The following KLRF1 variants were observed in gnomAD, a reference collection of about 807,000 sequenced individuals.
KLRF1 encodes the protein killer cell lectin like receptor F1, also known as killer cell lectin-like receptor subfamily F member 1.
A neutral mutation model predicts 30.7 loss-of-function variants in KLRF1; 27 were observed. The ratio of observed to expected loss-of-function variants is 0.88; its 90% CI spans 0.65 to 1.21. KLRF1 has a LOEUF of 1.21. KLRF1 is among the 50% of genes most tolerant of loss of function. The pLI is 0.00. For missense variants in KLRF1, 246 were observed against 259.3 expected, an observed-to-expected ratio of 0.95 and a Z score of 0.35; for synonymous variants, 92 against 89.3, an observed-to-expected ratio of 1.03 and a Z score of -0.17.
At chr12:9,809,905 C>T in the KLRF1 span, among the ~76,000 whole-genome samples, 3 of 151,668 alleles carry the variant, frequency 2.0e-5, no homozygotes, top group East Asian at 1.9e-4. Context: ...AACAAAATCA[C>T]CCCATGAATA....
chr12:9,813,554 AT>A, the KLRF1 span, among the ~76,000 whole-genome samples: 6 of 151,920 alleles, frequency 3.9e-5, no homozygotes, highest in Non-Finnish European at 8.8e-5. Context: ...GGAAGAAAAC[AT>A]TTTTCCCCCG....
At chr12:9,816,979 C>T in the KLRF1 span, among the ~76,000 whole-genome samples, 11 of 151,922 alleles carry the variant, frequency 7.2e-5, no homozygotes, top group Non-Finnish European at 8.8e-5. Context: ...GTGATCCGCC[C>T]GCCTCAGCCT....
upstream of KLRF1, among the ~76,000 whole-genome samples, chr12:9,826,463 A>T (rs1867285298): frequency 6.6e-6 from 1 of 152,212 alleles, no homozygotes; most frequent in Non-Finnish European, 1.5e-5. Flanking sequence ...ATTATGAAAG[A>T]TAGCATGGTG....
intron 1 of KLRF1, among the ~76,000 whole-genome samples, chr12:9,829,163 T>C (rs1292850392): frequency 6.6e-6 from 1 of 152,188 alleles, no homozygotes; most frequent in Non-Finnish European, 1.5e-5. Context: ...ACATAATTGC[T>C]CTATCCCACT....
At chr12:9,824,675 AT>A (rs1565501890), upstream of KLRF1, among the ~76,000 whole-genome samples, 1 of 152,162 alleles carries the variant, frequency 6.6e-6, no homozygotes, top group Non-Finnish European at 1.5e-5. Flanking sequence ...ACGTAAAACT[AT>A]TCCTGTTTTC....
chr12:9,808,844 T>C, the KLRF1 span, among the ~76,000 whole-genome samples: 13 of 152,302 alleles, frequency 8.5e-5, no homozygotes, highest in Middle Eastern at 6.8e-3. Flanking sequence ...GAATGTATCA[T>C]GTATATGATT....
intron 3 of KLRF1, among the ~76,000 whole-genome samples, chr12:9,833,786 T>A (rs1219759875): frequency 6.6e-6 from 1 of 151,962 alleles, no homozygotes; most frequent in Non-Finnish European, 1.5e-5. Flanking sequence ...ACAGACTGGA[T>A]AAAAGTCAAT....
the KLRF1 span, among the ~76,000 whole-genome samples, chr12:9,805,362 A>G: frequency 2.2e-4 from 34 of 152,062 alleles, no homozygotes; most frequent in African/African-American, 8.2e-4. Context: ...ACAAAAGGGC[A>G]AGAGGGATGG....
At chr12:9,808,829 A>G in the KLRF1 span, among the ~76,000 whole-genome samples, 1 of 152,164 alleles carries the variant, frequency 6.6e-6, no homozygotes. Context: ...GTTTTGGAAA[A>G]CAATGAATGT....
chr12:9,835,910 G>C (rs1467823844), intron 3 of KLRF1, among the ~76,000 whole-genome samples: 5 of 152,084 alleles, frequency 3.3e-5, no homozygotes, highest in Non-Finnish European at 7.4e-5. Flanking sequence ...TGTCTGGGGA[G>C]GTCTTGCTGG....
chr12:9,834,037 A>G (rs1867513362), intron 3 of KLRF1, among the ~76,000 whole-genome samples: 1 of 148,570 alleles, frequency 6.7e-6, no homozygotes, highest in Non-Finnish European at 1.5e-5. Context: ...GGGTAGGTAA[A>G]GGAAAATTAC....
chr12:9,843,186 C>A (rs2121243670), intron 5 of KLRF1, among the ~76,000 whole-genome samples: 1 of 152,260 alleles, frequency 6.6e-6, no homozygotes, highest in East Asian at 1.9e-4. Context: ...TGAAGTGGAA[C>A]ACAGAGATTC....
chr12:9,807,244 T>C, the KLRF1 span, among the ~76,000 whole-genome samples: 5 of 152,164 alleles, frequency 3.3e-5, no homozygotes, highest in Non-Finnish European at 7.4e-5. Context: ...TATGTCTTTA[T>C]ATGTTACAGA....
the KLRF1 span, among the ~76,000 whole-genome samples, chr12:9,819,675 A>G: frequency 6.6e-6 from 1 of 151,926 alleles, no homozygotes; most frequent in African/African-American, 2.4e-5. Context: ...TCCAGAGGCA[A>G]GGATAGCCCA....
At chr12:9,803,022 A>T in the KLRF1 span, among the ~76,000 whole-genome samples, 2 of 152,168 alleles carry the variant, frequency 1.3e-5, no homozygotes, top group African/African-American at 4.8e-5. Flanking sequence ...AAGCAAAAAG[A>T]ACAAAGCTGG....
the KLRF1 span, among the ~76,000 whole-genome samples, chr12:9,820,927 C>A: frequency 1.3e-5 from 2 of 152,150 alleles, no homozygotes; most frequent in African/African-American, 4.8e-5. Context: ...CTTCACCAGG[C>A]AGGGCCCCTG....
upstream of KLRF1, among the ~76,000 whole-genome samples, chr12:9,825,501 A>G (rs1867268879): frequency 1.3e-5 from 2 of 152,166 alleles, no homozygotes; most frequent in South Asian, 4.1e-4. Context: ...ACCATATACA[A>G]AGCTCAACTC....
At chr12:9,813,890 G>A in the KLRF1 span, among the ~76,000 whole-genome samples, 1 of 152,026 alleles carries the variant, frequency 6.6e-6, no homozygotes, top group Non-Finnish European at 1.5e-5. Context: ...AGCCTGCACC[G>A]CGCAACAGCA....
At position 9,844,738 on chromosome 12, in the gene KLRF1, A is replaced by C; in HGVS notation, c.*212A>C. On this transcript the variant is annotated 3_prime_UTR_variant, in exon 6 of 6. Transcript: ENST00000617889. ...CTTCAAAATTTTTACGTGATAGTATAAACCAATGTGACTTCATGTGATCAT... is the reference window on the plus strand; with the variant it reads ...CTTCAAAATTTTTACGTGATAGTATCAACCAATGTGACTTCATGTGATCAT... 1 of 346,954 alleles carries C rather than the reference A, an allele frequency of 2.9e-6. No individual in the cohort carries two copies. The highest frequency in any genetic ancestry group is 5.3e-6 in the Non-Finnish European group (1 of 187,616). 21.5% of individuals were successfully genotyped at this position (346,954 alleles called of 1,614,324 possible).
Sources: gnomAD v4.1 joint callset for allele counts (sites outside exome capture counted in the v4.1 genomes callset) on GRCh38, gnomAD v4.1.1 for gene constraint, MANE v1.5 for transcripts, NCBI Gene and HGNC (gene_info 2026-07-23, HGNC 2026-07-21) for gene names.